The following NRF1 variants were observed in gnomAD, a reference collection of about 807,000 sequenced individuals.
NRF1 encodes nuclear respiratory factor 1, also known as alpha palindromic-binding protein.
Under a neutral mutation model 58.5 loss-of-function variants are expected in NRF1, and 5 were observed. The ratio of observed to expected loss-of-function variants is 0.09; its 90% CI spans 0.04 to 0.18. The LOEUF (loss-of-function observed/expected upper bound fraction) is 0.18. NRF1 is among the 10% of genes least tolerant of loss of function. NRF1 has a pLI of 1.00. For missense variants in NRF1, 288 were observed against 657.7 expected (o/e 0.44, Z 6.15); for synonymous variants, 224 against 246.7 (o/e 0.91, Z 0.86).
At chr7:129,618,847 A>G (rs2151054219) in intron 1 of NRF1, among the ~76,000 whole-genome samples, 2 of 152,242 alleles carry the variant, frequency 1.3e-5, no homozygotes, top group South Asian at 2.1e-4. Context: ...CTTGAAATTC[A>G]TTTGTGTTTC....
rs1172774718 is a variant in NRF1, at chr7:129,684,043, A to G, written c.465+6285A>G. On this transcript the variant is annotated intron_variant, in intron 4 of 10. Coordinates refer to ENST00000393232, the MANE Select transcript of NRF1 (RefSeq NM_005011.5). Reference sequence around the variant, plus strand: ...TAAACTGGTATTCAAAGGAATATTCATTGTCTTATTTTCAAAAAAATTTAT... The same window carrying G: ...TAAACTGGTATTCAAAGGAATATTCGTTGTCTTATTTTCAAAAAAATTTAT... Among the ~76,000 whole-genome samples, 3 of 152,176 alleles carry G rather than the reference A, an allele frequency of 2.0e-5. No homozygotes were observed. The East Asian group carries it at 5.8e-4, about 29-fold the overall frequency.
intron 10 of NRF1, among the ~76,000 whole-genome samples, chr7:129,749,432 TAA>T (rs11405110): frequency 6.4e-5 from 9 of 140,916 alleles, no homozygotes; most frequent in African/African-American, 1.1e-4. Context: ...TGATACACAT[TAA>T]AAAAAAAAAA....
chr7:129,685,493 A>G (rs562357707), intron 4 of NRF1, among the ~76,000 whole-genome samples: 2 of 152,164 alleles, frequency 1.3e-5, no homozygotes, highest in African/African-American at 4.8e-5. Context: ...TGTTACCTGT[A>G]TATGTATATT....
At chr7:129,730,288 G>C (rs1488853761) in intron 10 of NRF1, among the ~76,000 whole-genome samples, 2 of 152,002 alleles carry the variant, frequency 1.3e-5, no homozygotes, top group Non-Finnish European at 2.9e-5. Context: ...GCCTCCCAAA[G>C]TGCTGGGATT....
At chr7:129,751,040 G>A (rs919592176) in intron 10 of NRF1, among the ~76,000 whole-genome samples, 2 of 152,224 alleles carry the variant, frequency 1.3e-5, no homozygotes, top group Non-Finnish European at 2.9e-5. Context: ...CATACGAGCA[G>A]TGAGGATGAA....
chr7:129,614,470 T>G (rs1800619321), intron 1 of NRF1, among the ~76,000 whole-genome samples: 1 of 122,412 alleles, frequency 8.2e-6, no homozygotes. Flanking sequence ...TGTGTGTACA[T>G]ACATATATAT....
intron 9 of NRF1, among the ~76,000 whole-genome samples, chr7:129,724,422 A>C (rs1417526881): frequency 6.6e-6 from 1 of 152,240 alleles, no homozygotes; most frequent in African/African-American, 2.4e-5. Flanking sequence ...ACCCTTGTGC[A>C]CTGTTGGTGG....
intron 10 of NRF1, among the ~76,000 whole-genome samples, chr7:129,737,193 G>A (rs1046296906): frequency 5.9e-5 from 9 of 152,226 alleles, no homozygotes; most frequent in African/African-American, 2.2e-4. Context: ...AGATGAAGAT[G>A]TATGTTGCAG....
intron 1 of NRF1, among the ~76,000 whole-genome samples, chr7:129,622,949 T>G (rs565704750): frequency 6.6e-6 from 1 of 152,224 alleles, no homozygotes; most frequent in Non-Finnish European, 1.5e-5. Context: ...CTTGAAACAT[T>G]CTTAATGAGA....
chr7:129,710,301 C>T (rs898759434), intron 6 of NRF1, 73 bp from the exon 7 acceptor site: 72 of 1,330,380 alleles, frequency 5.4e-5, no homozygotes, highest in Non-Finnish European at 7.4e-5. Context: ...GAAGTAGCTG[C>T]TTATTGCATA....
At chr7:129,680,842 G>T (rs1802291708) in intron 4 of NRF1, among the ~76,000 whole-genome samples, 1 of 152,194 alleles carries the variant, frequency 6.6e-6, no homozygotes, top group Non-Finnish European at 1.5e-5. Flanking sequence ...CTTTTAGGTG[G>T]AATGAAATGC....
At chr7:129,671,200 G>A (rs1802040639) in intron 2 of NRF1, among the ~76,000 whole-genome samples, 1 of 152,096 alleles carries the variant, frequency 6.6e-6, no homozygotes, top group East Asian at 1.9e-4. Flanking sequence ...GTGATGGGGA[G>A]GTGTAAGTCA....
intron 1 of NRF1, among the ~76,000 whole-genome samples, chr7:129,618,537 T>C (rs1800702613): frequency 6.6e-6 from 1 of 152,092 alleles, no homozygotes; most frequent in South Asian, 2.1e-4. Context: ...TCTACAAAAA[T>C]TTAAAAAATT....
At chr7:129,742,275 TA>T (rs71167214) in intron 10 of NRF1, among the ~76,000 whole-genome samples, 35,211 of 126,784 alleles carry the variant, frequency 0.28, 4,147 homozygotes, top group Admixed American at 0.38. Context: ...TGAAATTGAT[TA>T]AAAAAAAAAA....
At position 129,657,408 on chromosome 7, in the gene NRF1, A is replaced by G; in HGVS notation, c.57A>G (p.Ala19=). The G allele has an allele frequency of 6.2e-7, 1 of 1,614,168 alleles. No individual in the cohort carries two copies. The highest frequency in any genetic ancestry group is 8.5e-7 in the Non-Finnish European group (1 of 1,180,022). ...TEHMATIEAH[A]VAQQVQQVHV... Reference sequence around the variant, plus strand: ...ATATGGCTACCATAGAAGCACATGCAGTGGCCCAGCAAGTGCAGCAGGTCC... The same window carrying G: ...ATATGGCTACCATAGAAGCACATGCGGTGGCCCAGCAAGTGCAGCAGGTCC... The change falls in exon 2 of 11, where the codon GCA becomes GCG. Residue 19 remains alanine, a synonymous_variant. Transcript: ENST00000393232.
At chr7:129,644,454 T>G (rs1350920075) in intron 1 of NRF1, among the ~76,000 whole-genome samples, 2 of 152,234 alleles carry the variant, frequency 1.3e-5, no homozygotes, top group Non-Finnish European at 2.9e-5. Flanking sequence ...TTCACACTGA[T>G]AGATAATGGC....
In NRF1 at chr7:129,619,435, C is replaced by CAT. The variant is rs1323792830; in HGVS notation, c.-7+7612_-7+7613insTA. 1.9e-4 allele frequency among the ~76,000 whole-genome samples: 13 copies of CAT among 68,612 alleles called. 1 individual carries two copies. Among genetic ancestry groups the CAT allele is most frequent in the Admixed American group, 1.1e-3 (6 of 5,602 alleles). The allele number at this position is 68,612 out of a possible 152,430, so 45.0% of individuals were successfully genotyped here. ...ATATATATATATATATATATATATA[C>CAT]ACACACACACACATATATATACACG... On this transcript the variant is annotated intron_variant, in intron 1 of 10. Coordinates refer to ENST00000393232, the MANE Select transcript of NRF1 (RefSeq NM_005011.5).
At chr7:129,649,519 G>T (rs1801487303) in intron 1 of NRF1, among the ~76,000 whole-genome samples, 1 of 152,016 alleles carries the variant, frequency 6.6e-6, no homozygotes, top group Non-Finnish European at 1.5e-5. Flanking sequence ...CATCCATTAT[G>T]TGTGGATTAG....
intron 1 of NRF1, among the ~76,000 whole-genome samples, chr7:129,631,683 A>G (rs941116419): frequency 6.6e-6 from 1 of 152,166 alleles, no homozygotes; most frequent in Non-Finnish European, 1.5e-5. Context: ...GAAATCACCA[A>G]CCTGGGAAAT....
Sources: allele counts gnomAD v4.1 joint callset (sites outside exome capture counted in the v4.1 genomes callset), GRCh38; gene constraint gnomAD v4.1.1; transcripts MANE v1.5; gene names NCBI Gene and HGNC (gene_info 2026-07-23, HGNC 2026-07-21).